LANCL1: variants seen among roughly 807,000 people sequenced by gnomAD.
LANCL1 encodes glutathione S-transferase LANCL1.
A neutral mutation model predicts 50.6 loss-of-function variants in LANCL1; 50 were observed. The observed-to-expected ratio is 0.99, with a 90% CI of 0.79 to 1.25. The LOEUF (loss-of-function observed/expected upper bound fraction) is 1.25. Among genes scored for constraint, LANCL1 ranks in the 50% most tolerant of loss-of-function variants. The pLI is 0.00. For missense variants in LANCL1, 532 were observed against 480.7 expected (o/e 1.11, Z -1.00); for synonymous variants, 188 against 178.6 (o/e 1.05, Z -0.42).
intron 3 of LANCL1, chr2:210,467,998 C>T (rs2105924184): frequency 6.6e-6 from 1 of 152,154 alleles, no homozygotes; most frequent in East Asian, 1.9e-4. Context: ...TGGGAGAAAG[C>T]AGAAAAGAAT....
chr2:210,477,282 A>G (rs1042154415), upstream of LANCL1, among the ~76,000 whole-genome samples: 6 of 152,214 alleles, frequency 3.9e-5, no homozygotes, highest in African/African-American at 9.6e-5. Context: ...TACAGCTCTT[A>G]GGAAATTTAT....
Position 210,471,688 on chromosome 2 carries a change from A to C in LANCL1, c.199+271T>G, listed in dbSNP as rs565849993. ...AATTAACTATGTAATATTGAAAATC[A>C]ATTTTTCTCCTCACAAGTATAGCAG... On this transcript the variant is annotated intron_variant, in intron 3 of 9. Coordinates refer to ENST00000450366, the MANE Select transcript of LANCL1 (RefSeq NM_006055.3). The C allele has an allele frequency of 1.4e-5, 9 of 624,042 alleles. No homozygotes were observed. In the East Asian group the frequency reaches 1.7e-4, roughly 12 times the overall value. The allele number at this position is 624,042 out of a possible 1,614,324, so 38.7% of individuals were successfully genotyped here. A position where few individuals can be genotyped will look rare whatever the true frequency, so the allele number is the denominator to read the frequency against.
intron 4 of LANCL1, 75 bp from the exon 5 acceptor site, chr2:210,441,518 GA>G (rs1472808468): frequency 6.4e-5 from 80 of 1,247,662 alleles, no homozygotes; most frequent in Non-Finnish European, 7.7e-5. Context: ...ATGGTACATT[GA>G]AAAAAATATA....
At chr2:210,455,036 CT>C (rs1333776285) in intron 4 of LANCL1, 70 bp downstream of exon 4, 1 of 1,296,872 alleles carries the variant, frequency 7.7e-7, no homozygotes, top group African/African-American at 1.5e-5. Flanking sequence ...CTAGAATGTT[CT>C]TTTGTTAACA....
chr2:210,476,888 T>C (rs1387037742), upstream of LANCL1: 30 of 847,240 alleles, frequency 3.5e-5, no homozygotes, highest in Non-Finnish European at 4.0e-5. Context: ...TTTTAATTAC[T>C]GGGTAGCAGA....
At chr2:210,458,139 T>C (rs1281010893) in intron 3 of LANCL1, among the ~76,000 whole-genome samples, 4 of 152,140 alleles carry the variant, frequency 2.6e-5, no homozygotes. Flanking sequence ...GTGCTGAGGG[T>C]GGTAAAGTTT....
At chr2:210,471,040 T>C (rs2887900) in intron 3 of LANCL1, among the ~76,000 whole-genome samples, 3 of 53,344 alleles carry the variant, frequency 5.6e-5, no homozygotes, top group African/African-American at 1.2e-4. Flanking sequence ...TTTTCTTCTT[T>C]GATTTTTTTT....
chr2:210,461,084 G>T (rs939666747), intron 3 of LANCL1, among the ~76,000 whole-genome samples: 1 of 152,094 alleles, frequency 6.6e-6, no homozygotes, highest in African/African-American at 2.4e-5. Context: ...AGCCTTCTGG[G>T]TGTTGGCTGT....
At chr2:210,460,955 AC>A (rs1305544852) in intron 3 of LANCL1, 2 of 152,188 alleles carry the variant, frequency 1.3e-5, no homozygotes, top group African/African-American at 4.8e-5. Flanking sequence ...GATGAAAAAA[AC>A]AAAACAAAAA....
rs1292918946 is a variant in LANCL1 at position 210,433,261 on chromosome 2, T to A, written c.*1226A>T. On this transcript the variant is annotated 3_prime_UTR_variant, in exon 10 of 10. Transcript: ENST00000450366. ...AGAATTTGAAGCACCAGAGAGTCTT[T>A]ATCTACTACGGAAAACCTGATTCTG... 6.6e-6 allele frequency: 1 copy of A among 152,428 alleles called. No individual in the cohort carries two copies. Among genetic ancestry groups the A allele is most frequent in the African/African-American group, 2.4e-5 (1 of 41,456 alleles). 9.4% of individuals were successfully genotyped at this position (152,428 alleles called of 1,614,324 possible).
At chr2:210,474,322 T>C (rs901115918) in intron 2 of LANCL1, among the ~76,000 whole-genome samples, 2 of 152,218 alleles carry the variant, frequency 1.3e-5, no homozygotes, top group Admixed American at 1.3e-4. Context: ...GGTATGCTAC[T>C]TCCTTTCTAG....
At position 210,434,139 on chromosome 2, in the gene LANCL1, CT is replaced by C. The variant is rs994861610; in HGVS notation, c.*347del. Reference sequence around the variant, plus strand: ...ATTTATCTTTATCTGTATTGAGTTTCTTTTAAACATTTTTAGAACAGTAACA... The same window carrying C: ...ATTTATCTTTATCTGTATTGAGTTTCTTTAAACATTTTTAGAACAGTAACA... On this transcript the variant is annotated 3_prime_UTR_variant, in exon 10 of 10. Coordinates refer to ENST00000450366, the MANE Select transcript of LANCL1 (RefSeq NM_006055.3). 5.9e-6 allele frequency: 1 copy of C among 170,794 alleles called. No individual in the cohort carries two copies. Among genetic ancestry groups the C allele is most frequent in the African/African-American group, 2.4e-5 (1 of 42,184 alleles). 10.6% of individuals were successfully genotyped at this position (170,794 alleles called of 1,614,324 possible).
At chr2:210,474,000 C>T (rs1694290610) in intron 2 of LANCL1, among the ~76,000 whole-genome samples, 1 of 152,186 alleles carries the variant, frequency 6.6e-6, no homozygotes. Flanking sequence ...ATCATCTTGC[C>T]TGGCCTTCAA....
chr2:210,444,932 A>G (rs181586583), intron 4 of LANCL1, among the ~76,000 whole-genome samples: 2 of 152,226 alleles, frequency 1.3e-5, no homozygotes, highest in East Asian at 3.9e-4. Context: ...AAAAACATTT[A>G]TTAAGAATTT....
At chr2:210,467,686 A>T (rs1694107437) in intron 3 of LANCL1, among the ~76,000 whole-genome samples, 2 of 152,212 alleles carry the variant, frequency 1.3e-5, no homozygotes, top group Admixed American at 6.5e-5. Context: ...AACTTTTGAG[A>T]GTGTCAATGG....
At position 210,476,705 on chromosome 2, in the gene LANCL1, C is replaced by T. The variant is rs1186926110; in HGVS notation, c.-102G>A. ...GCCTCCCGCGTCCTGAAGCCCTTCT[C>T]GGCCCTGGCCTCTCACCCCGCAGCC... On this transcript the variant is annotated 5_prime_UTR_variant, in exon 1 of 10. Coordinates refer to ENST00000450366, the MANE Select transcript of LANCL1 (RefSeq NM_006055.3). 3 of 1,160,986 alleles carry T rather than the reference C, an allele frequency of 2.6e-6. No homozygotes were observed. The highest frequency in any genetic ancestry group is 3.2e-5 in the African/African-American group (2 of 62,882). The allele number at this position is 1,160,986 out of a possible 1,614,324, so 71.9% of individuals were successfully genotyped here.
At chr2:210,449,327 A>C in intron 4 of LANCL1, among the ~76,000 whole-genome samples, 1 of 152,242 alleles carries the variant, frequency 6.6e-6, no homozygotes, top group East Asian at 1.9e-4. Flanking sequence ...AACTCTGAAT[A>C]AACTAGGTAT....
At chr2:210,457,899 T>G (rs995841474) in intron 3 of LANCL1, among the ~76,000 whole-genome samples, 2 of 152,222 alleles carry the variant, frequency 1.3e-5, no homozygotes, top group African/African-American at 4.8e-5. Flanking sequence ...CCCTGGATTT[T>G]AGCTGGGCAC....
intron 9 of LANCL1, 108 bp downstream of exon 9, chr2:210,435,279 G>T: frequency 1.3e-6 from 1 of 774,710 alleles, no homozygotes; most frequent in Non-Finnish European, 2.2e-6. Flanking sequence ...TAAAAAAGTA[G>T]TTTAAGAATA....
Sources: allele counts gnomAD v4.1 joint callset (sites outside exome capture counted in the v4.1 genomes callset), GRCh38; gene constraint gnomAD v4.1.1; transcripts MANE v1.5; gene names NCBI Gene and HGNC (gene_info 2026-07-23, HGNC 2026-07-21).